SLCO1A2: variants seen among roughly 807,000 people sequenced by gnomAD.
SLCO1A2 encodes OATP-1.
Under a neutral mutation model 69.0 loss-of-function variants are expected in SLCO1A2, and 67 were observed. The observed-to-expected ratio is 0.97, with a 90% CI of 0.80 to 1.19. SLCO1A2 has a LOEUF of 1.19. Among genes scored for constraint, SLCO1A2 ranks in the 50% most tolerant of loss-of-function variants. The probability of loss-of-function intolerance (pLI) is 0.00; values close to 1 mark genes in which losing one functional copy is unlikely to be tolerated. For missense variants in SLCO1A2, 787 were observed against 793.7 expected (o/e 0.99, Z 0.10); for synonymous variants, 260 against 265.9 (o/e 0.98, Z 0.22).
intron 9 of SLCO1A2, 41 bp downstream of exon 9, chr12:21,297,363 G>T (rs746449456): frequency 1.9e-6 from 3 of 1,546,914 alleles, no homozygotes; most frequent in Admixed American, 1.7e-5. Context: ...CTGTTCGTGG[G>T]GGGGAAAGTG....
intron 1 of SLCO1A2, among the ~76,000 whole-genome samples, chr12:21,417,346 A>T (rs1199465154): frequency 2.0e-5 from 3 of 151,416 alleles, no homozygotes; most frequent in Non-Finnish European, 4.4e-5. Flanking sequence ...TGTTTTCAAA[A>T]GGAGTAATGA....
chr12:21,358,477 C>T, intron 2 of SLCO1A2, among the ~76,000 whole-genome samples: 1 of 152,070 alleles, frequency 6.6e-6, no homozygotes, highest in African/African-American at 2.4e-5. Context: ...TTAAAAATGC[C>T]TAGAGAAATG....
chr12:21,270,947 T>C lies in SLCO1A2; in HGVS notation c.1794-1180A>G, dbSNP rs539416760. ...ACTTTCTTATTCCCTCTATGGTATA[T>C]AGTCTATTTATTAATTTCTTCATCT... On this transcript the variant is annotated intron_variant, in intron 14 of 14. Coordinates refer to ENST00000683939, the MANE Select transcript of SLCO1A2 (RefSeq NM_001386879.1). Among the ~76,000 whole-genome samples, 93 of 151,862 alleles carry C rather than the reference T, an allele frequency of 6.1e-4. 3 individuals carry two copies. The South Asian group carries it at 0.019, about 30-fold the overall frequency.
chr12:21,379,214 C>A (rs1036220897), intron 1 of SLCO1A2: 6 of 152,168 alleles, frequency 3.9e-5, no homozygotes, highest in African/African-American at 1.4e-4. Flanking sequence ...GAAATAAAAT[C>A]CTGCTCCTGA....
chr12:21,402,180 G>A (rs1941728290), intron 1 of SLCO1A2, among the ~76,000 whole-genome samples: 2 of 149,198 alleles, frequency 1.3e-5, no homozygotes, highest in Admixed American at 6.7e-5. Context: ...AAATTGTGGA[G>A]TCTACTTCTT....
intron 2 of SLCO1A2, among the ~76,000 whole-genome samples, chr12:21,368,419 G>C (rs1459594565): frequency 6.6e-6 from 1 of 151,988 alleles, no homozygotes; most frequent in East Asian, 1.9e-4. Flanking sequence ...GAGTCACACA[G>C]AGCAACCAAA....
intron 12 of SLCO1A2, among the ~76,000 whole-genome samples, chr12:21,284,635 A>G (rs1280623853): frequency 6.8e-6 from 1 of 147,034 alleles, no homozygotes; most frequent in African/African-American, 2.6e-5. Context: ...ATGTAAAAGA[A>G]CAGAAATTAT....
chr12:21,360,746 G>A (rs1056515192), intron 2 of SLCO1A2, among the ~76,000 whole-genome samples: 3 of 152,200 alleles, frequency 2.0e-5, no homozygotes, highest in East Asian at 1.9e-4. Flanking sequence ...TATATCCCGC[G>A]GCTGGCTTGG....
chr12:21,307,117 C>A, intron 4 of SLCO1A2, 129 bp from the exon 5 acceptor site: 3 of 562,964 alleles, frequency 5.3e-6, no homozygotes, highest in Non-Finnish European at 9.1e-6. Context: ...GGCTTTTCAT[C>A]CTTGGCATCC....
upstream of SLCO1A2, among the ~76,000 whole-genome samples, chr12:21,397,177 G>T (rs1229454438): frequency 6.6e-6 from 1 of 151,856 alleles, no homozygotes; most frequent in Non-Finnish European, 1.5e-5. Flanking sequence ...GATGGAGGAA[G>T]ATCTACCAAG....
At chr12:21,370,135 C>CT (rs1939672492) in intron 2 of SLCO1A2, among the ~76,000 whole-genome samples, 1 of 152,016 alleles carries the variant, frequency 6.6e-6, no homozygotes, top group Non-Finnish European at 1.5e-5. Flanking sequence ...AAGAATTTGT[C>CT]TTTCATTCTG....
In SLCO1A2 at chr12:21,274,461, A is replaced by ATCTT. The variant is rs1236027630; in HGVS notation, c.1793+4_1793+7dup. The ATCTT allele has an allele frequency of 6.4e-7, 1 of 1,559,716 alleles. No individual in the cohort carries two copies. Among genetic ancestry groups the ATCTT allele is most frequent in the Non-Finnish European group, 8.8e-7 (1 of 1,130,678 alleles). ...ATAAAACAATTTTAAACAAATTATTATCTTTACCTGAAGGTGGTGGAATCA... is the reference window on the plus strand; with the variant it reads ...ATAAAACAATTTTAAACAAATTATTATCTTTCTTTACCTGAAGGTGGTGGAATCA... On this transcript the variant is annotated splice_region_variant and intron_variant, in intron 14 of 14. Coordinates refer to ENST00000683939, the MANE Select transcript of SLCO1A2 (RefSeq NM_001386879.1).
chr12:21,318,211 C>T (rs990654242), intron 3 of SLCO1A2, among the ~76,000 whole-genome samples: 10 of 152,076 alleles, frequency 6.6e-5, no homozygotes, highest in East Asian at 1.9e-4. Context: ...CTCCGCCTCT[C>T]GGGTTCACAC....
At position 21,293,983 on chromosome 12, in the gene SLCO1A2, C is replaced by T. The variant is rs759319461; in HGVS notation, c.1399G>A (p.Ala467Thr). Reference protein sequence around the residue: ...NGLSYLSACLAGCETSIGTGI... With the variant: ...NGLSYLSACLTGCETSIGTGI... The stretch of plus-strand genomic sequence containing the variant: ...GTTCCAATGGATGTCTCACAACCAG[C>T]AAGACAAGCTGACAGATATGACAAG... Residue 467 changes from alanine to threonine, a missense_variant, in exon 11 of 15, where the codon GCT (alanine) becomes ACT (threonine). Coordinates refer to ENST00000683939, the MANE Select transcript of SLCO1A2 (RefSeq NM_001386879.1). The T allele has an allele frequency of 3.7e-6, 6 of 1,611,970 alleles. No homozygotes were observed. In the Admixed American group the frequency reaches 8.4e-5, roughly 23 times the overall value.
chr12:21,414,661 T>G (rs1941963232), intron 1 of SLCO1A2, among the ~76,000 whole-genome samples: 1 of 152,180 alleles, frequency 6.6e-6, no homozygotes, highest in Non-Finnish European at 1.5e-5. Flanking sequence ...ATGCTATACC[T>G]GTCTATCACA....
chr12:21,304,585 A>C lies in SLCO1A2; in HGVS notation c.443-12T>G. ...TTCCTTTGTACACTCTGCATTAAAA[A>C]AAAAAGACATGACATTAGTGCTTTG... On this transcript the variant is annotated splice_polypyrimidine_tract_variant and intron_variant, in intron 5 of 14. Transcript: ENST00000683939. 6.3e-7 allele frequency: 1 copy of C among 1,585,704 alleles called. No individual in the cohort carries two copies. The highest frequency in any genetic ancestry group is 8.6e-7 in the Non-Finnish European group (1 of 1,168,882).
chr12:21,281,025 T>G (rs886128856), intron 12 of SLCO1A2, among the ~76,000 whole-genome samples: 1 of 151,936 alleles, frequency 6.6e-6, no homozygotes, highest in Non-Finnish European at 1.5e-5. Flanking sequence ...AGAAGAAAAT[T>G]TAAAAATTTC....
chr12:21,363,278 C>T (rs1191481967), intron 2 of SLCO1A2, among the ~76,000 whole-genome samples: 2 of 152,136 alleles, frequency 1.3e-5, no homozygotes, highest in East Asian at 1.9e-4. Flanking sequence ...AACTGAACAA[C>T]CTGCTCCTGA....
chr12:21,275,923 T>C (rs1307037463), intron 12 of SLCO1A2, among the ~76,000 whole-genome samples: 2 of 150,984 alleles, frequency 1.3e-5, no homozygotes, highest in Admixed American at 6.6e-5. Flanking sequence ...GCCTGGGTGA[T>C]AGAGCTACAC....
Sources: allele counts gnomAD v4.1 joint callset (sites outside exome capture counted in the v4.1 genomes callset), GRCh38; gene constraint gnomAD v4.1.1; transcripts MANE v1.5; gene names NCBI Gene and HGNC (gene_info 2026-07-23, HGNC 2026-07-21).